The following SLC24A3 variants were observed in gnomAD, a reference collection of about 807,000 sequenced individuals.
SLC24A3 encodes sodium/potassium/calcium exchanger 3.
In SLC24A3, 28 loss-of-function variants were observed where a neutral mutation model predicts 75.8. That is an observed-to-expected ratio of 0.37 (90% CI 0.27 to 0.51). The LOEUF is 0.51. SLC24A3 is among the 20% of genes least tolerant of loss of function. The pLI, the probability that SLC24A3 is intolerant of heterozygous loss-of-function variation, is 0.94. For missense variants in SLC24A3, 663 were observed against 847.8 expected (o/e 0.78, Z 2.71); for synonymous variants, 372 against 334.1 (o/e 1.11, Z -1.24).
intron 8 of SLC24A3, among the ~76,000 whole-genome samples, chr20:19,672,628 T>G (rs987102987): frequency 2.6e-5 from 4 of 152,202 alleles, no homozygotes; most frequent in Non-Finnish European, 5.9e-5. Context: ...CGGGTCACTG[T>G]GCCCAGCCTG....
At chr20:19,222,788 C>CCTTCCTTCCTTCCTTCCTTA in intron 1 of SLC24A3, among the ~76,000 whole-genome samples, 1 of 126,012 alleles carries the variant, frequency 7.9e-6, no homozygotes, top group African/African-American at 3.1e-5. Flanking sequence ...TCCCTCCCTT[C>CCTTCCTTCCTTCCTTCCTTA]CTTCCTTCCT....
At chr20:19,575,750 A>G (rs1318676623) in intron 3 of SLC24A3, among the ~76,000 whole-genome samples, 1 of 152,198 alleles carries the variant, frequency 6.6e-6, no homozygotes, top group Non-Finnish European at 1.5e-5. Context: ...AGGAGTTCAA[A>G]CCTGTCTCAT....
At chr20:19,511,586 C>G (rs6081621) in intron 2 of SLC24A3, among the ~76,000 whole-genome samples, 17,252 of 152,160 alleles carry the variant, frequency 0.11, 1,141 homozygotes, top group Middle Eastern at 0.17. Flanking sequence ...ATCGGCCTCC[C>G]AAAGTGCTGG....
intron 1 of SLC24A3, among the ~76,000 whole-genome samples, chr20:19,278,611 C>G (rs985455879): frequency 1.3e-5 from 2 of 152,200 alleles, no homozygotes; most frequent in Non-Finnish European, 2.9e-5. Flanking sequence ...TTCAGGTTAT[C>G]CAAACTACAC....
intron 2 of SLC24A3, among the ~76,000 whole-genome samples, chr20:19,343,384 A>G (rs113304554): frequency 3.6e-4 from 55 of 152,316 alleles, no homozygotes; most frequent in African/African-American, 1.3e-3. Flanking sequence ...ATATGTGGAT[A>G]ATAAAAGGAC....
chr20:19,338,791 G>A (rs1002386534), intron 2 of SLC24A3, among the ~76,000 whole-genome samples: 6 of 152,152 alleles, frequency 3.9e-5, no homozygotes, highest in Non-Finnish European at 7.3e-5. Context: ...AATTGCATGG[G>A]CTTGAGAAGC....
At chr20:19,512,918 C>T (rs1451792192) in intron 2 of SLC24A3, among the ~76,000 whole-genome samples, 2 of 152,208 alleles carry the variant, frequency 1.3e-5, no homozygotes, top group African/African-American at 4.8e-5. Context: ...GATTCCTTTG[C>T]TTGGCACTGC....
intron 2 of SLC24A3, among the ~76,000 whole-genome samples, chr20:19,357,380 A>G (rs117705984): frequency 0.011 from 1,742 of 152,306 alleles, 20 homozygotes; most frequent in Non-Finnish European, 0.014. Flanking sequence ...GAAGCCTAGG[A>G]AGCAAATTCA....
At chr20:19,219,367 C>T (rs373441866) in intron 1 of SLC24A3, among the ~76,000 whole-genome samples, 11 of 152,278 alleles carry the variant, frequency 7.2e-5, no homozygotes, top group African/African-American at 1.2e-4. Context: ...GCGTAAGACA[C>T]GGGGACCTTC....
intron 1 of SLC24A3, among the ~76,000 whole-genome samples, chr20:19,249,138 C>A (rs1420702878): frequency 6.6e-6 from 1 of 152,002 alleles, no homozygotes; most frequent in Non-Finnish European, 1.5e-5. Context: ...TTGTATCTCA[C>A]AAATAGATCC....
chr20:19,522,014 C>T (rs142734380), intron 3 of SLC24A3, among the ~76,000 whole-genome samples: 3 of 152,160 alleles, frequency 2.0e-5, no homozygotes, highest in African/African-American at 7.2e-5. Flanking sequence ...GTCTAGCAGA[C>T]CTTCCCCAGC....
At chr20:19,546,158 C>CAAAAAAAAAAAAAAAAAAAAAAAAAAAAA (rs367781560) in intron 3 of SLC24A3, among the ~76,000 whole-genome samples, 4 of 46,740 alleles carry the variant, frequency 8.6e-5, no homozygotes, top group Non-Finnish European at 1.4e-4. Flanking sequence ...GACTCCGTCT[C>CAAAAAAAAAAAAAAAAAAAAAAAAAAAAA]AAAAAAAAAA....
At chr20:19,247,547 A>C (rs1270035475) in intron 1 of SLC24A3, among the ~76,000 whole-genome samples, 1 of 152,202 alleles carries the variant, frequency 6.6e-6, no homozygotes, top group Non-Finnish European at 1.5e-5. Context: ...TAGAGGCAGC[A>C]GACAGTTCCC....
chr20:19,630,553 G>A (rs2031919910), intron 6 of SLC24A3, among the ~76,000 whole-genome samples: 1 of 152,158 alleles, frequency 6.6e-6, no homozygotes, highest in South Asian at 2.1e-4. Flanking sequence ...CTAAATTCTA[G>A]TTCTAGAATG....
intron 2 of SLC24A3, among the ~76,000 whole-genome samples, chr20:19,416,203 C>T (rs963390643): frequency 6.6e-6 from 1 of 152,184 alleles, no homozygotes; most frequent in African/African-American, 2.4e-5. Context: ...ACTACCATGG[C>T]AAATGGGGAA....
chr20:19,452,899 C>G (rs1032184888), intron 2 of SLC24A3, among the ~76,000 whole-genome samples: 1 of 152,002 alleles, frequency 6.6e-6, no homozygotes, highest in South Asian at 2.1e-4. Flanking sequence ...TATTAGCCAC[C>G]TGTACCAGGC....
At chr20:19,687,152 A>G (rs564721397) in intron 12 of SLC24A3, among the ~76,000 whole-genome samples, 48 of 152,278 alleles carry the variant, frequency 3.2e-4, no homozygotes, top group Non-Finnish European at 6.2e-4. Flanking sequence ...AGCCAGGGCT[A>G]CATTCCTTTG....
At chr20:19,663,164 C>T (rs1245253840) in intron 7 of SLC24A3, among the ~76,000 whole-genome samples, 1 of 151,898 alleles carries the variant, frequency 6.6e-6, no homozygotes, top group Non-Finnish European at 1.5e-5. Flanking sequence ...AAACTCATGG[C>T]TCAAGTGATT....
At chr20:19,666,638 T>C (rs2032403057) in intron 8 of SLC24A3, among the ~76,000 whole-genome samples, 1 of 152,110 alleles carries the variant, frequency 6.6e-6, no homozygotes, top group Non-Finnish European at 1.5e-5. Context: ...TCAAAAGATC[T>C]TAGAGCTCTG....
Sources: gnomAD v4.1 joint callset for allele counts (sites outside exome capture counted in the v4.1 genomes callset) on GRCh38, gnomAD v4.1.1 for gene constraint, MANE v1.5 for transcripts, NCBI Gene and HGNC (gene_info 2026-07-23, HGNC 2026-07-21) for gene names.